The following SYNE1 variants were observed in gnomAD, a reference collection of about 807,000 sequenced individuals.
The protein encoded by SYNE1 is spectrin repeat containing nuclear envelope protein 1, also known as nesprin-1.
Under a neutral mutation model 1,111.0 loss-of-function variants are expected in SYNE1, and 616 were observed. That is an observed-to-expected ratio of 0.55 (90% CI 0.52 to 0.59). The LOEUF (loss-of-function observed/expected upper bound fraction) is 0.59. SYNE1 is among the 20% of genes least tolerant of loss of function. The probability of loss-of-function intolerance (pLI) is 0.00; values close to 1 mark genes in which losing one functional copy is unlikely to be tolerated. For missense variants in SYNE1, 10,006 were observed against 10,417.0 expected (o/e 0.96, Z 1.72); for synonymous variants, 3,855 against 3,825.8 (o/e 1.01, Z -0.28).
chr6:152,464,093 G>C (rs2098750691), intron 18 of SYNE1, among the ~76,000 whole-genome samples: 1 of 152,056 alleles, frequency 6.6e-6, no homozygotes, highest in Admixed American at 6.6e-5. Context: ...AGCAATCATG[G>C]AGATAAACCA....
chr6:152,377,262 T>A (rs2097297396), intron 56 of SYNE1, among the ~76,000 whole-genome samples: 1 of 152,124 alleles, frequency 6.6e-6, no homozygotes, highest in Non-Finnish European at 1.5e-5. Context: ...GTATATTGTT[T>A]AAAGGTGAAA....
chr6:152,136,829 C>T lies in SYNE1; in HGVS notation c.25459-11G>A. On this transcript the variant is annotated splice_polypyrimidine_tract_variant and intron_variant, in intron 140 of 145. Transcript: ENST00000367255. ...AGCTTTCTGGAGCTCCTGAAAAGAA[C>T]AAAAAAGACAATCAAACAAGGACAA... 6.2e-7 allele frequency: 1 copy of T among 1,613,296 alleles called. No homozygotes were observed. The highest frequency in any genetic ancestry group is 8.5e-7 in the Non-Finnish European group (1 of 1,179,318).
At chr6:152,585,816 G>A (rs369196170) in intron 3 of SYNE1, among the ~76,000 whole-genome samples, 82 of 152,246 alleles carry the variant, frequency 5.4e-4, no homozygotes, top group Non-Finnish European at 9.0e-4. Context: ...ATATGGAATC[G>A]TAAAAATAAG....
intron 127 of SYNE1, among the ~76,000 whole-genome samples, chr6:152,196,660 C>T (rs1362450247): frequency 6.6e-6 from 1 of 151,892 alleles, no homozygotes; most frequent in Non-Finnish European, 1.5e-5. Flanking sequence ...AGTTGCAAAA[C>T]AAAGTCCTCT....
At chr6:152,149,731 C>A in intron 135 of SYNE1, 63 bp from the exon 136 acceptor site, 1 of 1,385,712 alleles carries the variant, frequency 7.2e-7, no homozygotes, top group South Asian at 1.2e-5. Flanking sequence ...ATAAAAGAAT[C>A]ATAATAGATG....
intron 127 of SYNE1, among the ~76,000 whole-genome samples, chr6:152,199,264 T>A (rs2074891846): frequency 6.6e-6 from 1 of 152,236 alleles, no homozygotes; most frequent in Non-Finnish European, 1.5e-5. Context: ...TAACTTATCC[T>A]TTCTTTTTGT....
At chr6:152,587,294 C>T (rs1435911351) in intron 3 of SYNE1, among the ~76,000 whole-genome samples, 2 of 152,218 alleles carry the variant, frequency 1.3e-5, no homozygotes, top group Non-Finnish European at 2.9e-5. Context: ...ATAAAAACAT[C>T]CTTCCTTATC....
chr6:152,204,226 G>A (rs1410533225), intron 126 of SYNE1, among the ~76,000 whole-genome samples: 5 of 151,878 alleles, frequency 3.3e-5, no homozygotes, highest in African/African-American at 9.7e-5. Context: ...TTAGCCAGGC[G>A]TGGTGGCGTG....
chr6:152,222,021 G>A (rs769602549), intron 117 of SYNE1, among the ~76,000 whole-genome samples: 8 of 152,284 alleles, frequency 5.3e-5, no homozygotes, highest in Admixed American at 1.3e-4. Context: ...GCCTTGTGCT[G>A]TAACACAGGG....
Position 152,300,744 on chromosome 6 carries a change from A to T in SYNE1, c.17579T>A (p.Val5860Asp). 3.1e-6 allele frequency: 5 copies of T among 1,614,230 alleles called. No individual in the cohort carries two copies. Among genetic ancestry groups the T allele is most frequent in the Non-Finnish European group, 4.2e-6 (5 of 1,180,034 alleles). Residue 5860 changes from valine (V) to aspartate (D), a missense_variant, in exon 93 of 146, where the codon GTC (valine) becomes GAC (aspartate). Around this residue, in one of 7 missense-constraint regions of SYNE1, gnomAD observed 4,955 missense variants for 5,017.2 expected, o/e 0.99. Transcript: ENST00000367255. ...TCCCTCCTCCCCAGACTCCTCAGTG[A>T]CCGGTGACAGCAAAGTGTGACAGCG... The part of the protein sequence containing the change: ...AGRCHTLLSP[V>D]TEESGEEGTN...
rs2098806450 is a variant in SYNE1, at chr6:152,471,673, G to A, written c.1556C>T (p.Ala519Val). 1.2e-6 allele frequency: 2 copies of A among 1,614,008 alleles called. No individual in the cohort carries two copies. Among genetic ancestry groups the A allele is most frequent in the Non-Finnish European group, 8.5e-7 (1 of 1,179,898 alleles). ...KYRLLSLLVL[A>V]ESKLKSWIIK... is the part of the protein sequence containing the mutation. ...GATCCAAGACTTCAGCTTTGACTCT[G>A]CAAGAACCAGCAGTGAGAGCAGACG... Residue 519 changes from alanine to valine, a missense_variant, in exon 16 of 146, where the codon GCA becomes GTA. Ala to Val is a moderately conservative substitution (Grantham distance 64). Coordinates refer to ENST00000367255, the MANE Select transcript of SYNE1 (RefSeq NM_182961.4).
intron 103 of SYNE1, among the ~76,000 whole-genome samples, chr6:152,255,388 G>C (rs1041201318): frequency 6.6e-6 from 1 of 152,218 alleles, no homozygotes; most frequent in Non-Finnish European, 1.5e-5. Context: ...TTTCTACAAA[G>C]AGTTTCCCAT....
At chr6:152,486,252 A>G (rs554984172) in intron 12 of SYNE1, among the ~76,000 whole-genome samples, 1 of 152,298 alleles carries the variant, frequency 6.6e-6, no homozygotes, top group East Asian at 1.9e-4. Context: ...AAAACAAAAC[A>G]TCAAATCAAC....
At chr6:152,352,583 T>G (rs2154041334) in intron 69 of SYNE1, among the ~76,000 whole-genome samples, 1 of 152,222 alleles carries the variant, frequency 6.6e-6, no homozygotes, top group Non-Finnish European at 1.5e-5. Flanking sequence ...TTGTATTTTT[T>G]AGTAGAGACA....
At chr6:152,273,468 AT>A (rs2093363075) in intron 98 of SYNE1, among the ~76,000 whole-genome samples, 1 of 152,102 alleles carries the variant, frequency 6.6e-6, no homozygotes, top group African/African-American at 2.4e-5. Context: ...GTTAAATATT[AT>A]TATCCATATT....
intron 97 of SYNE1, 145 bp from the exon 98 acceptor site, chr6:152,278,425 CGAG>C: frequency 1.2e-6 from 1 of 838,092 alleles, no homozygotes. Flanking sequence ...ACGGCCTTGA[CGAG>C]TAAGTAGTCT....
At chr6:152,529,556 CT>C (rs1316299792) in intron 4 of SYNE1, among the ~76,000 whole-genome samples, 1 of 152,170 alleles carries the variant, frequency 6.6e-6, no homozygotes, top group East Asian at 1.9e-4. Flanking sequence ...CACTTTCAGG[CT>C]TGATGATTCA....
intron 48 of SYNE1, among the ~76,000 whole-genome samples, chr6:152,399,057 G>T (rs915812686): frequency 1.3e-5 from 2 of 152,168 alleles, no homozygotes; most frequent in Admixed American, 1.3e-4. Context: ...AAAAGTGCAA[G>T]GAGAGAAATG....
chr6:152,383,192 T>C (rs2097456828), intron 55 of SYNE1, among the ~76,000 whole-genome samples: 1 of 152,238 alleles, frequency 6.6e-6, no homozygotes, highest in Non-Finnish European at 1.5e-5. Context: ...TTTCTGCCAA[T>C]TCCTTCTCCC....
Sources: gnomAD v4.1 joint callset for allele counts (sites outside exome capture counted in the v4.1 genomes callset) on GRCh38, gnomAD v4.1.1 for gene constraint, gnomAD v4.1.1 regional missense constraint, MANE v1.5 for transcripts, NCBI Gene and HGNC (gene_info 2026-07-23, HGNC 2026-07-21) for gene names.